ARL14EP: variants seen among roughly 807,000 people sequenced by gnomAD.
ARL14EP encodes ARL14 effector protein.
In ARL14EP, 12 loss-of-function variants were observed where a neutral mutation model predicts 23.1. The ratio of observed to expected loss-of-function variants is 0.52; its 90% CI spans 0.33 to 0.84. ARL14EP has a LOEUF of 0.84. ARL14EP is among the 40% of genes least tolerant of loss of function. ARL14EP has a pLI of 0.02. For missense variants in ARL14EP, 253 were observed against 307.3 expected, an observed-to-expected ratio of 0.82 and a Z score of 1.32; for synonymous variants, 97 against 102.0, an observed-to-expected ratio of 0.95 and a Z score of 0.29.
At chr11:30,324,406 A>C (rs773301819) in intron 1 of ARL14EP, among the ~76,000 whole-genome samples, 12 of 152,332 alleles carry the variant, frequency 7.9e-5, no homozygotes, top group Admixed American at 1.3e-4. Flanking sequence ...AAACTAAAAA[A>C]CTATGTTAAG....
chr11:30,336,422 A>C, intron 3 of ARL14EP, 145 bp from the exon 4 acceptor site: 1 of 719,706 alleles, frequency 1.4e-6, no homozygotes, highest in South Asian at 1.9e-5. Context: ...ACGATAGAAT[A>C]AGCCTTGAGC....
intron 3 of ARL14EP, among the ~76,000 whole-genome samples, chr11:30,334,433 C>T (rs1057164337): frequency 6.6e-6 from 1 of 151,960 alleles, no homozygotes; most frequent in Non-Finnish European, 1.5e-5. Flanking sequence ...CCAGGATGGT[C>T]TCGATCTCCT....
chr11:30,332,399 C>T (rs1947292577), intron 2 of ARL14EP, among the ~76,000 whole-genome samples: 2 of 151,868 alleles, frequency 1.3e-5, no homozygotes, highest in South Asian at 2.1e-4. Flanking sequence ...AACCCTTAAA[C>T]ACCGAAATTT....
At chr11:30,325,918 T>C (rs1174217071) in intron 1 of ARL14EP, among the ~76,000 whole-genome samples, 1 of 152,188 alleles carries the variant, frequency 6.6e-6, no homozygotes, top group African/African-American at 2.4e-5. Context: ...CAGTTGACAG[T>C]TGTAAAATAG....
chr11:30,328,447 T>C (rs1947258641), intron 1 of ARL14EP: 1 of 152,200 alleles, frequency 6.6e-6, no homozygotes, highest in African/African-American at 2.4e-5. Context: ...GAAACTTTTC[T>C]AATTATTACT....
chr11:30,334,742 A>T (rs543528140), intron 3 of ARL14EP, among the ~76,000 whole-genome samples: 1 of 152,226 alleles, frequency 6.6e-6, no homozygotes, highest in African/African-American at 2.4e-5. Context: ...CCTGAATGGC[A>T]GCATATCTGT....
At chr11:30,333,825 A>G (rs1242140020) in intron 3 of ARL14EP, among the ~76,000 whole-genome samples, 1 of 152,226 alleles carries the variant, frequency 6.6e-6, no homozygotes, top group East Asian at 1.9e-4. Context: ...CTCTTGTGCT[A>G]AACAGCCAAG....
chr11:30,335,490 C>G (rs1218491532), intron 3 of ARL14EP, among the ~76,000 whole-genome samples: 1 of 152,118 alleles, frequency 6.6e-6, no homozygotes, highest in East Asian at 1.9e-4. Flanking sequence ...ACTGATGCAG[C>G]AAACTTCACT....
At chr11:30,333,781 C>T (rs1406172198) in intron 3 of ARL14EP, among the ~76,000 whole-genome samples, 1 of 152,150 alleles carries the variant, frequency 6.6e-6, no homozygotes, top group Non-Finnish European at 1.5e-5. Context: ...GGGAGTAAGG[C>T]ACGTCAAAAG....
At chr11:30,327,342 GA>G (rs1947244331) in intron 1 of ARL14EP, among the ~76,000 whole-genome samples, 1 of 151,824 alleles carries the variant, frequency 6.6e-6, no homozygotes, top group African/African-American at 2.4e-5. Flanking sequence ...CTAAGGAAAA[GA>G]ATTTTTTACC....
At chr11:30,328,119 CTGTT>C (rs1590665421) in intron 1 of ARL14EP, 1 of 149,250 alleles carries the variant, frequency 6.7e-6, no homozygotes, top group African/African-American at 2.5e-5. Flanking sequence ...ATCCAATTAT[CTGTT>C]TGAAGAAAAA....
At chr11:30,330,784 C>T (rs926010983) in intron 1 of ARL14EP, 102 bp from the exon 2 acceptor site, 4 of 649,754 alleles carry the variant, frequency 6.2e-6, no homozygotes, top group African/African-American at 3.7e-5. Flanking sequence ...CTTTTTTATT[C>T]CTTATTTTCT....
At chr11:30,334,449 C>T (rs1005377124) in intron 3 of ARL14EP, among the ~76,000 whole-genome samples, 2 of 152,004 alleles carry the variant, frequency 1.3e-5, no homozygotes, top group Admixed American at 1.3e-4. Context: ...CTCCTGCCCT[C>T]GTGATCTGCC....
At chr11:30,330,442 A>C (rs1947272974) in intron 1 of ARL14EP, 1 of 156,040 alleles carries the variant, frequency 6.4e-6, no homozygotes, top group Non-Finnish European at 1.4e-5. Context: ...ATATAGCTGC[A>C]TTTATTTAGG....
At chr11:30,335,572 A>C (rs1379117433) in intron 3 of ARL14EP, among the ~76,000 whole-genome samples, 1 of 152,124 alleles carries the variant, frequency 6.6e-6, no homozygotes, top group African/African-American at 2.4e-5. Flanking sequence ...AGCTGTCCTC[A>C]CTGGGGCAAG....
intron 1 of ARL14EP, among the ~76,000 whole-genome samples, chr11:30,326,885 CTG>C (rs753520511): frequency 6.6e-6 from 1 of 152,172 alleles, no homozygotes; most frequent in Non-Finnish European, 1.5e-5. Context: ...GAATTTTAAT[CTG>C]TGTAAAATTT....
chr11:30,330,564 C>T, intron 1 of ARL14EP: 1 of 176,652 alleles, frequency 5.7e-6, no homozygotes, highest in South Asian at 1.2e-4. Context: ...TTCTAGCATC[C>T]CTGGTGAATT....
In ARL14EP at chr11:30,331,293, T is replaced by C; in HGVS notation, c.345T>C (p.Leu115=). The C allele has an allele frequency of 6.2e-7, 1 of 1,613,964 alleles. No homozygotes were observed. Among genetic ancestry groups the C allele is most frequent in the Non-Finnish European group, 8.5e-7 (1 of 1,179,862 alleles). ...FGRQLVPGWK[L]CPKCTQIING... ...GACAGCTTGTACCTGGTTGGAAGCT[T>C]TGTCCAAAATGCACACAGATAATCA... Residue 115 remains leucine (L), a synonymous_variant, in exon 2 of 4, where the codon CTT becomes CTC. Transcript: ENST00000282032.
chr11:30,332,170 C>G (rs1947290466), intron 2 of ARL14EP, among the ~76,000 whole-genome samples: 1 of 151,622 alleles, frequency 6.6e-6, no homozygotes, highest in Admixed American at 6.6e-5. Flanking sequence ...TCTCAGTTTT[C>G]TCCTTTTTAT....
Sources: allele counts gnomAD v4.1 joint callset (sites outside exome capture counted in the v4.1 genomes callset), GRCh38; gene constraint gnomAD v4.1.1; transcripts MANE v1.5; gene names NCBI Gene and HGNC (gene_info 2026-07-23, HGNC 2026-07-21).